GALT: variants seen among roughly 807,000 people sequenced by gnomAD.
GALT encodes UDP-glucose--hexose-1-phosphate uridylyltransferase.
Under a neutral mutation model 55.4 loss-of-function variants are expected in GALT, and 42 were observed. The ratio of observed to expected loss-of-function variants is 0.76; its 90% CI spans 0.59 to 0.98. The LOEUF (loss-of-function observed/expected upper bound fraction) is 0.98. Ranked by LOEUF, GALT falls within the 50% of genes least tolerant of loss-of-function variation. The pLI, the probability that GALT is intolerant of heterozygous loss-of-function variation, is 0.00. For missense variants in GALT, 407 were observed against 495.7 expected, an observed-to-expected ratio of 0.82 and a Z score of 1.70; for synonymous variants, 154 against 181.5, an observed-to-expected ratio of 0.85 and a Z score of 1.22.
At chr9:34,649,864 A>T (rs1821210383) in intron 10 of GALT, 4 of 388,832 alleles carry the variant, frequency 1.0e-5, no homozygotes, top group Non-Finnish European at 1.9e-5. Flanking sequence ...TGGTGGCTTC[A>T]GCAGTCCTTA....
Position 34,650,559 on chromosome 9 carries a change from T to C in GALT, c.*110T>C. On this transcript the variant is annotated 3_prime_UTR_variant, in exon 11 of 11. Transcript: ENST00000378842. ...GGAATTTGGGCAGATATAGCATTAA[T>C]AAAACTGTGCATCTCAAACTTTTAT... 1.1e-6 allele frequency: 1 copy of C among 907,256 alleles called. No homozygotes were observed. The highest frequency in any genetic ancestry group is 1.4e-5 in the South Asian group (1 of 72,230). 56.2% of individuals were successfully genotyped at this position (907,256 alleles called of 1,614,324 possible).
In GALT at chr9:34,648,551, T is replaced by C; in HGVS notation, c.687+95T>C. 1 of 1,591,390 alleles carries C rather than the reference T, an allele frequency of 6.3e-7. No homozygotes were observed. Among genetic ancestry groups the C allele is most frequent in the Non-Finnish European group, 8.6e-7 (1 of 1,160,772 alleles). ...AAGGAGAAAGCTAGAGGTGAACTAG[T>C]AGAGAGAGACTTGCTAGGAGGCCTT... On this transcript the variant is annotated intron_variant, in intron 7 of 10. Transcript: ENST00000378842. This position sits in a 1 kb window ranked among gnomAD's most constrained non-coding sequence, Gnocchi z 4.9.
At chr9:34,650,182 C>T in intron 10 of GALT, 187 bp from the exon 11 acceptor site, 1 of 598,984 alleles carries the variant, frequency 1.7e-6, no homozygotes, top group South Asian at 2.0e-5. Context: ...ACTTGGGAGG[C>T]TGAGATAGGA....
rs188599777 is a variant in GALT, at chr9:34,647,722, C to A, written c.377+17C>A. ...AGGAGTCTGGTAACTATGGATTTCC[C>A]CTCTTACAACTTTCAAACCAGAGTT... On this transcript the variant is annotated intron_variant, in intron 4 of 10. Coordinates refer to ENST00000378842, the MANE Select transcript of GALT (RefSeq NM_000155.4). This position sits in a 1 kb window ranked among gnomAD's most constrained non-coding sequence, Gnocchi z 5.6. 15 of 1,614,114 alleles carry A rather than the reference C, an allele frequency of 9.3e-6. No homozygotes were observed. The East Asian group carries it at 3.3e-4, about 36-fold the overall frequency.
chr9:34,649,587 C>T (rs761299923), intron 10 of GALT, 23 bp downstream of exon 10: 185 of 1,612,672 alleles, frequency 1.1e-4, no homozygotes, highest in Middle Eastern at 1.6e-4. Context: ...AACAGTCTGG[C>T]GTCTCCAGAC....
At chr9:34,649,269 CTAATCTCCTG>C in intron 9 of GALT, 131 bp from the exon 10 acceptor site, 1 of 1,301,322 alleles carries the variant, frequency 7.7e-7, no homozygotes, top group Non-Finnish European at 1.1e-6. Context: ...AATGTGCTTT[CTAATCTCCTG>C]CCAGCTCTTC....
rs1324892935 is a variant in GALT at position 34,647,121 on chromosome 9, G to T, written c.115G>T (p.Asp39Tyr). The T allele has an allele frequency of 6.2e-7, 1 of 1,614,086 alleles. No homozygotes were observed. Among genetic ancestry groups the T allele is most frequent in the Non-Finnish European group, 8.5e-7 (1 of 1,180,036 alleles). Residue 39 changes from aspartate (D) to tyrosine (Y), a missense_variant, in exon 2 of 11, where the codon GAT becomes TAT. Asp to Tyr is a radical substitution (Grantham distance 160). Transcript: ENST00000378842. The surrounding 1 kb of genome is among the most constrained non-coding windows in gnomAD (Gnocchi z 5.6). ...HQHIRYNPLQ[D>Y]EWVLVSAHRM... ...GCATATCCGCTACAACCCGCTGCAG[G>T]ATGAGTGGGTGCTGGTGTCAGCTCA...
In GALT at chr9:34,648,836, G is replaced by A. The variant is rs748639317; in HGVS notation, c.762G>A (p.Leu254=). The A allele has an allele frequency of 2.5e-6, 4 of 1,613,296 alleles. No individual in the cohort carries two copies. Among genetic ancestry groups the A allele is most frequent in the African/African-American group, 1.3e-5 (1 of 74,904 alleles). The change falls in exon 8 of 11, where the codon CTG becomes CTA. Residue 254 remains leucine, a synonymous_variant. Transcript: ENST00000378842. The surrounding 1 kb of genome is among the most constrained non-coding windows in gnomAD (Gnocchi z 4.9). ...PFWATWPYQT[L]LLPRRHVRRL... is the part of the protein sequence containing the mutation. ...GGGCAACATGGCCCTACCAGACACT[G>A]CTGCTGCCCCGTCGGCATGTGCGGC...
rs1587237425 is a variant in GALT at position 34,647,346 on chromosome 9, C to G, written c.252+88C>G. The stretch of plus-strand genomic sequence containing the variant: ...GTCCTCCACCCACAGGGATAGTGAA[C>G]CTCCTTCTGGGTCATATCCCACCAA... On this transcript the variant is annotated intron_variant, in intron 2 of 10. Transcript: ENST00000378842. This position sits in a 1 kb window ranked among gnomAD's most constrained non-coding sequence, Gnocchi z 5.6. The G allele has an allele frequency of 1.3e-6, 2 of 1,596,432 alleles. No homozygotes were observed. Among genetic ancestry groups the G allele is most frequent in the Non-Finnish European group, 1.7e-6 (2 of 1,164,934 alleles).
In GALT at chr9:34,647,509, T is replaced by C. The variant is rs1300102277; in HGVS notation, c.270T>C (p.Asp90=). Residue 90 remains aspartate (D), a synonymous_variant, in exon 3 of 11, where the codon GAT becomes GAC. Coordinates refer to ENST00000378842, the MANE Select transcript of GALT (RefSeq NM_000155.4). The surrounding 1 kb of genome is among the most constrained non-coding windows in gnomAD (Gnocchi z 5.6). ...GTCGGTAGGTGAATCCCCAGTACGA[T>C]AGCACCTTCCTGTTTGACAACGACT... The part of the protein sequence containing the change: ...RANGEVNPQY[D]STFLFDNDFP... 1.2e-5 allele frequency: 20 copies of C among 1,614,016 alleles called. No homozygotes were observed. The highest frequency in any genetic ancestry group is 3.3e-4 in the Middle Eastern group (2 of 6,084).
chr9:34,648,573 C>T lies in GALT; in HGVS notation c.687+117C>T. The T allele has an allele frequency of 1.3e-6, 2 of 1,534,852 alleles. No individual in the cohort carries two copies. Among genetic ancestry groups the T allele is most frequent in the Non-Finnish European group, 1.8e-6 (2 of 1,111,868 alleles). On this transcript the variant is annotated intron_variant, in intron 7 of 10. Transcript: ENST00000378842. This position sits in a 1 kb window ranked among gnomAD's most constrained non-coding sequence, Gnocchi z 4.9. ...TAGTAGAGAGAGACTTGCTAGGAGG[C>T]CTTAGCAATAATCCAGTAATCTAAA...
At chr9:34,650,206 G>A in intron 10 of GALT, 163 bp from the exon 11 acceptor site, 1 of 630,790 alleles carries the variant, frequency 1.6e-6, no homozygotes, top group Non-Finnish European at 2.8e-6. Flanking sequence ...CTTGGGCCCA[G>A]GAGTTTGAGG....
rs1442155934 is a variant in GALT at position 34,647,893 on chromosome 9, A to G, written c.439A>G (p.Ile147Val). The G allele has an allele frequency of 1.2e-6, 2 of 1,614,074 alleles. No individual in the cohort carries two copies. Among genetic ancestry groups the G allele is most frequent in the South Asian group, 2.2e-5 (2 of 91,078 alleles). The change falls in exon 5 of 11, where the codon ATC (isoleucine) becomes GTC (valine). Residue 147 changes from isoleucine to valine, a missense_variant. Transcript: ENST00000378842. The surrounding 1 kb of genome is among the most constrained non-coding windows in gnomAD (Gnocchi z 5.6). ...GCTGCCACTCATGTCGGTCCCTGAG[A>G]TCCGGGCTGTTGTTGATGCATGGGC... ...VTLPLMSVPE[I>V]RAVVDAWASV...
intron 10 of GALT, 40 bp from the exon 11 acceptor site, chr9:34,650,329 A>G: frequency 1.5e-6 from 2 of 1,355,996 alleles, no homozygotes; most frequent in Non-Finnish European, 2.1e-6. Flanking sequence ...TTGGCAGCCC[A>G]GCCCTTATCC....
chr9:34,650,165 C>T, intron 10 of GALT: 1 of 584,286 alleles, frequency 1.7e-6, no homozygotes, highest in South Asian at 2.1e-5. Context: ...TACTTGTGGT[C>T]CCAGATACTT....
At position 34,648,239 on chromosome 9, in the gene GALT, A is replaced by G; in HGVS notation, c.564+68A>G. 1.2e-6 allele frequency: 2 copies of G among 1,613,912 alleles called. No individual in the cohort carries two copies. Among genetic ancestry groups the G allele is most frequent in the Non-Finnish European group, 1.7e-6 (2 of 1,180,026 alleles). ...GAGCCAGCACTGTGGACATGGGAAC[A>G]GGATTAATGGATGGGACAGAGGAAA... On this transcript the variant is annotated intron_variant, in intron 6 of 10. Transcript: ENST00000378842. The surrounding 1 kb of genome is among the most constrained non-coding windows in gnomAD (Gnocchi z 4.9).
At chr9:34,646,868 G>A in intron 1 of GALT, 82 bp downstream of exon 1, 1 of 1,609,376 alleles carries the variant, frequency 6.2e-7, no homozygotes, top group South Asian at 1.1e-5. Context: ...CCCTCCGAAG[G>A]TTGGAACGCT....
At position 34,647,867 on chromosome 9, in the gene GALT, C is replaced by G. The variant is rs111033686; in HGVS notation, c.413C>G (p.Thr138Arg). 1 of 1,614,192 alleles carries G rather than the reference C, an allele frequency of 6.2e-7. No homozygotes were observed. Among genetic ancestry groups the G allele is most frequent in the Admixed American group, 1.7e-5 (1 of 60,022 alleles). Residue 138 changes from threonine to arginine, a missense_variant, in exon 5 of 11, where the codon ACG becomes AGG. Thr to Arg is a moderately conservative substitution (Grantham distance 71). Transcript: ENST00000378842. This position sits in a 1 kb window ranked among gnomAD's most constrained non-coding sequence, Gnocchi z 5.6. ...TGCTTCCACCCCTGGTCGGATGTAA[C>G]GCTGCCACTCATGTCGGTCCCTGAG... ...VMCFHPWSDV[T>R]LPLMSVPEIR...
chr9:34,647,344 A>G lies in GALT; in HGVS notation c.252+86A>G. The G allele has an allele frequency of 6.3e-7, 1 of 1,597,874 alleles. No homozygotes were observed. Among genetic ancestry groups the G allele is most frequent in the Non-Finnish European group, 8.6e-7 (1 of 1,166,210 alleles). ...CTGTCCTCCACCCACAGGGATAGTG[A>G]ACCTCCTTCTGGGTCATATCCCACC... On this transcript the variant is annotated intron_variant, in intron 2 of 10. Coordinates refer to ENST00000378842, the MANE Select transcript of GALT (RefSeq NM_000155.4). The surrounding 1 kb of genome is among the most constrained non-coding windows in gnomAD (Gnocchi z 5.6).
Sources: gnomAD v4.1 joint callset for allele counts on GRCh38, gnomAD v4.1.1 for gene constraint, Gnocchi (gnomAD v3.1) non-coding constraint, MANE v1.5 for transcripts, NCBI Gene and HGNC (gene_info 2026-07-23, HGNC 2026-07-21) for gene names.